FOXP1: variants seen among roughly 807,000 people sequenced by gnomAD.
FOXP1 encodes forkhead box P1, also known as forkhead box protein P1.
Under a neutral mutation model 98.2 loss-of-function variants are expected in FOXP1, and 15 were observed. The ratio of observed to expected loss-of-function variants is 0.15; its 90% CI spans 0.10 to 0.24. The LOEUF (loss-of-function observed/expected upper bound fraction) is 0.24, where lower values mean the gene tolerates loss of function less well. FOXP1 is among the 10% of genes least tolerant of loss of function. The probability of loss-of-function intolerance (pLI) is 1.00; values close to 1 mark genes in which losing one functional copy is unlikely to be tolerated. For missense variants in FOXP1, 633 were observed against 848.5 expected (o/e 0.75, Z 3.15); for synonymous variants, 371 against 314.5 (o/e 1.18, Z -1.90).
In FOXP1 at chr3:70,956,588, A is replaced by G. The variant is rs902744685; in HGVS notation, c.*2659T>C. ...TATCTTTACTCATGTCTAGCTACAC[A>G]TGCTGAGAATGAACTAATCTACCAG... On this transcript the variant is annotated 3_prime_UTR_variant, in exon 21 of 21. Transcript: ENST00000649528. 1.3e-5 allele frequency: 3 copies of G among 230,450 alleles called. No individual in the cohort carries two copies. Among genetic ancestry groups the G allele is most frequent in the African/African-American group, 4.4e-5 (2 of 45,038 alleles). The allele number at this position is 230,450 out of a possible 1,614,324, so 14.3% of individuals were successfully genotyped here. A position where few individuals can be genotyped will look rare whatever the true frequency, so the allele number is the denominator to read the frequency against.
intron 1 of FOXP1, 193 bp downstream of exon 1, chr3:71,583,378 G>A (rs1255528119): frequency 4.8e-6 from 4 of 838,654 alleles, no homozygotes; most frequent in Non-Finnish European, 5.7e-6. Flanking sequence ...AGGAAGAGAG[G>A]GGAGGGCTGG....
chr3:71,437,252 C>A (rs769373477), intron 3 of FOXP1, among the ~76,000 whole-genome samples: 10 of 152,054 alleles, frequency 6.6e-5, no homozygotes, highest in Non-Finnish European at 1.5e-5. Flanking sequence ...ATGAAAAACA[C>A]AGAAATTGGC....
At chr3:71,233,828 A>G (rs983373172) in intron 5 of FOXP1, among the ~76,000 whole-genome samples, 1 of 152,236 alleles carries the variant, frequency 6.6e-6, no homozygotes, top group Non-Finnish European at 1.5e-5. Context: ...AATGCATAAA[A>G]GTGGAATCAA....
intron 6 of FOXP1, among the ~76,000 whole-genome samples, chr3:71,179,855 G>A (rs2062181565): frequency 1.3e-5 from 2 of 152,058 alleles, no homozygotes; most frequent in Non-Finnish European, 1.5e-5. Context: ...TTTCTACAAC[G>A]AATGTGTCAT....
chr3:71,148,221 A>G (rs778539931), intron 6 of FOXP1, among the ~76,000 whole-genome samples: 46 of 152,182 alleles, frequency 3.0e-4, no homozygotes, highest in Non-Finnish European at 5.3e-4. Context: ...TATTAAAAGT[A>G]CAAAAATTAG....
At chr3:71,548,721 T>C (rs2045554412) in intron 2 of FOXP1, among the ~76,000 whole-genome samples, 1 of 152,124 alleles carries the variant, frequency 6.6e-6, no homozygotes, top group Non-Finnish European at 1.5e-5. Flanking sequence ...TATTTATTCC[T>C]TCCTCTCTAT....
chr3:71,350,248 T>C (rs1024284785), intron 4 of FOXP1, among the ~76,000 whole-genome samples: 1 of 152,084 alleles, frequency 6.6e-6, no homozygotes, highest in Non-Finnish European at 1.5e-5. Context: ...AGTCTGAATG[T>C]TAATATAGGG....
In FOXP1 at chr3:70,957,338, C is replaced by T. The variant is rs1487262939; in HGVS notation, c.*1909G>A. 4.4e-6 allele frequency: 1 copy of T among 228,410 alleles called. No homozygotes were observed. Among genetic ancestry groups the T allele is most frequent in the Non-Finnish European group, 8.7e-6 (1 of 114,946 alleles). 14.1% of individuals were successfully genotyped at this position (228,410 alleles called of 1,614,324 possible). A position where few individuals can be genotyped will look rare whatever the true frequency, so the allele number is the denominator to read the frequency against. Reference sequence around the variant, plus strand: ...GTAACAACTTTGGTTCCATTATCTACTTGGTCTTCTAAATTTACGATGAAG... The same window carrying T: ...GTAACAACTTTGGTTCCATTATCTATTTGGTCTTCTAAATTTACGATGAAG... On this transcript the variant is annotated 3_prime_UTR_variant, in exon 21 of 21. Transcript: ENST00000649528.
intron 6 of FOXP1, among the ~76,000 whole-genome samples, chr3:71,124,311 G>A (rs1196529560): frequency 2.0e-5 from 3 of 150,342 alleles, no homozygotes; most frequent in Non-Finnish European, 3.0e-5. Context: ...TGCCTTTTGA[G>A]CAGTCATATG....
chr3:70,954,819 A>G lies in FOXP1; in HGVS notation c.*4428T>C. Reference sequence around the variant, plus strand: ...TTTTTTATTGTCTGTATCCGCAGACATGGAATGATGGAATTACAGTTGATG... The same window carrying G: ...TTTTTTATTGTCTGTATCCGCAGACGTGGAATGATGGAATTACAGTTGATG... On this transcript the variant is annotated 3_prime_UTR_variant, in exon 21 of 21. Coordinates refer to ENST00000649528, the MANE Select transcript of FOXP1 (RefSeq NM_001349338.3). 2 of 232,374 alleles carry G rather than the reference A, an allele frequency of 8.6e-6. No individual in the cohort carries two copies. Among genetic ancestry groups the G allele is most frequent in the South Asian group, 1.8e-4 (1 of 5,518 alleles). 14.4% of individuals were successfully genotyped at this position (232,374 alleles called of 1,614,324 possible).
intron 11 of FOXP1, among the ~76,000 whole-genome samples, chr3:71,031,629 T>C (rs2046881245): frequency 6.6e-6 from 1 of 152,224 alleles, no homozygotes; most frequent in Non-Finnish European, 1.5e-5. Flanking sequence ...ATTTTCTTTT[T>C]TCTTTCTCTT....
intron 5 of FOXP1, among the ~76,000 whole-genome samples, chr3:71,282,263 A>G (rs2071653339): frequency 6.6e-6 from 1 of 152,162 alleles, no homozygotes; most frequent in African/African-American, 2.4e-5. Flanking sequence ...ATTTCTTTTT[A>G]CTTAGGATCT....
chr3:71,436,488 T>C (rs2085369896), intron 3 of FOXP1, among the ~76,000 whole-genome samples: 1 of 143,190 alleles, frequency 7.0e-6, no homozygotes, highest in African/African-American at 2.6e-5. Flanking sequence ...ATACCCCATC[T>C]ATCGTCCCTA....
chr3:70,980,765 CA>C (rs1045927579), intron 14 of FOXP1, among the ~76,000 whole-genome samples: 4 of 152,240 alleles, frequency 2.6e-5, no homozygotes, highest in African/African-American at 7.2e-5. Flanking sequence ...ATGACAAAAA[CA>C]GGAAGAAAAC....
chr3:70,975,411 C>T (rs1177887400), intron 17 of FOXP1, among the ~76,000 whole-genome samples: 2 of 152,032 alleles, frequency 1.3e-5, no homozygotes, highest in Non-Finnish European at 2.9e-5. Context: ...TAATTTGGGC[C>T]ATAATGGATA....
chr3:71,441,453 G>A (rs2085932604), intron 3 of FOXP1, among the ~76,000 whole-genome samples: 1 of 152,210 alleles, frequency 6.6e-6, no homozygotes, highest in Admixed American at 6.5e-5. Context: ...TAGCAGTTCA[G>A]GCATCTTGTT....
chr3:71,019,339 G>C (rs998998029), intron 11 of FOXP1, among the ~76,000 whole-genome samples: 3 of 152,170 alleles, frequency 2.0e-5, no homozygotes, highest in Admixed American at 6.5e-5. Context: ...TATCATTTCT[G>C]AAAAGCTGTC....
intron 17 of FOXP1, 78 bp from the exon 18 acceptor site, chr3:70,972,754 A>AAGAAAAGACTCCAAAAACAG: frequency 6.9e-7 from 1 of 1,456,496 alleles, no homozygotes; most frequent in South Asian, 1.2e-5. Context: ...ATTCAGCCTA[A>AAGAAAAGACTCCAAAAACAG]CAGTCCACAT....
At chr3:71,082,479 G>A (rs2054545856) in intron 7 of FOXP1, among the ~76,000 whole-genome samples, 1 of 151,536 alleles carries the variant, frequency 6.6e-6, no homozygotes, top group African/African-American at 2.4e-5. Context: ...CCTGTCAGGG[G>A]GTGGGGGGTA....
Sources: gnomAD v4.1 joint callset for allele counts (sites outside exome capture counted in the v4.1 genomes callset) on GRCh38, gnomAD v4.1.1 for gene constraint, MANE v1.5 for transcripts, NCBI Gene and HGNC (gene_info 2026-07-23, HGNC 2026-07-21) for gene names.